Variants in DUSP16 observed in about 807,000 individuals in gnomAD.
The protein encoded by DUSP16 is dual specificity protein phosphatase 16.
In DUSP16, 21 loss-of-function variants were observed where a neutral mutation model predicts 58.3. The observed-to-expected ratio is 0.36, with a 90% confidence interval of 0.26 to 0.52. The LOEUF (loss-of-function observed/expected upper bound fraction) is 0.52, where lower values mean the gene tolerates loss of function less well. Among genes scored for constraint, DUSP16 ranks in the 20% least tolerant of loss-of-function variants. The pLI is 0.94. For missense variants in DUSP16, 726 were observed against 819.0 expected, an observed-to-expected ratio of 0.89 and a Z score of 1.39; for synonymous variants, 320 against 323.8, an observed-to-expected ratio of 0.99 and a Z score of 0.12.
chr12:12,555,126 C>G (rs192711456), intron 1 of DUSP16, among the ~76,000 whole-genome samples: 146 of 152,336 alleles, frequency 9.6e-4, no homozygotes, highest in African/African-American at 3.4e-3. Flanking sequence ...CACAGCTCAG[C>G]TGCTCGGGAA....
At chr12:12,551,691 CTTTT>C (rs35198357) in intron 1 of DUSP16, among the ~76,000 whole-genome samples, 6 of 140,134 alleles carry the variant, frequency 4.3e-5, no homozygotes, top group South Asian at 2.3e-4. Flanking sequence ...CTTAGTAAAC[CTTTT>C]TTTTTTTTTT....
At chr12:12,535,923 A>C (rs1944456211) in intron 1 of DUSP16, among the ~76,000 whole-genome samples, 1 of 152,246 alleles carries the variant, frequency 6.6e-6, no homozygotes, top group African/African-American at 2.4e-5. Context: ...AACAAGTAAC[A>C]AAATAAGTTG....
intron 5 of DUSP16, 97 bp from the exon 6 acceptor site, chr12:12,480,443 A>G: frequency 7.1e-7 from 1 of 1,413,932 alleles, no homozygotes; most frequent in Non-Finnish European, 9.6e-7. Context: ...CCACCTGAAA[A>G]CCTCTACGCA....
At chr12:12,532,929 C>T (rs1427252643) in intron 1 of DUSP16, among the ~76,000 whole-genome samples, 2 of 137,524 alleles carry the variant, frequency 1.5e-5, no homozygotes, top group Non-Finnish European at 3.0e-5. Context: ...GCCTGGGGGA[C>T]GAGAGCGAAA....
At chr12:12,491,793 C>A (rs1943763407) in intron 4 of DUSP16, among the ~76,000 whole-genome samples, 1 of 152,156 alleles carries the variant, frequency 6.6e-6, no homozygotes, top group African/African-American at 2.4e-5. Context: ...CCAATTACCA[C>A]AAACCCTCCA....
At chr12:12,484,892 G>A (rs1410055174) in intron 5 of DUSP16, among the ~76,000 whole-genome samples, 13 of 152,088 alleles carry the variant, frequency 8.5e-5, no homozygotes, top group Admixed American at 3.9e-4. Context: ...GATTACAGGC[G>A]TAAGCCACCA....
At chr12:12,550,029 C>G (rs1394193710) in intron 1 of DUSP16, among the ~76,000 whole-genome samples, 1 of 152,082 alleles carries the variant, frequency 6.6e-6, no homozygotes, top group African/African-American at 2.4e-5. Flanking sequence ...CAGTGGCACT[C>G]TGGGAGGCTG....
chr12:12,477,604 A>G lies in DUSP16; in HGVS notation c.1227T>C (p.Tyr409=). 6.2e-7 allele frequency: 1 copy of G among 1,614,234 alleles called. No homozygotes were observed. The highest frequency in any genetic ancestry group is 8.5e-7 in the Non-Finnish European group (1 of 1,180,038). Residue 409 remains tyrosine, a synonymous_variant, in exon 7 of 7, where the codon TAT becomes TAC. Coordinates refer to ENST00000298573, the MANE Select transcript of DUSP16 (RefSeq NM_030640.3). The surrounding 1 kb of genome is among the most constrained non-coding windows in gnomAD (Gnocchi z 4.1). Reference sequence around the variant, plus strand: ...GTAAGGATGCTGCCATGCTGGCTGAATATGAAACTGATTTGATATCCAGAG... The same window carrying G: ...GTAAGGATGCTGCCATGCTGGCTGAGTATGAAACTGATTTGATATCCAGAG... The part of the protein sequence containing the change: ...SFSLDIKSVS[Y]SASMAASLHG...
chr12:12,539,398 G>C (rs560173208), intron 1 of DUSP16, among the ~76,000 whole-genome samples: 153 of 152,304 alleles, frequency 1.0e-3, no homozygotes, highest in Non-Finnish European at 1.7e-3. Context: ...GGTTTAATAA[G>C]ACAGGGTTTA....
At chr12:12,554,910 C>T (rs192358417) in intron 1 of DUSP16, among the ~76,000 whole-genome samples, 8 of 152,134 alleles carry the variant, frequency 5.3e-5, no homozygotes, top group East Asian at 1.9e-4. Flanking sequence ...ACTAAAGCTA[C>T]GAAGGAAGAG....
In DUSP16 at chr12:12,477,950, T is replaced by A; in HGVS notation, c.881A>T (p.Tyr294Phe). The change falls in exon 7 of 7, where the codon TAT (tyrosine) becomes TTT (phenylalanine). Residue 294 changes from tyrosine (Y) to phenylalanine (F), a missense_variant. By Grantham distance (22) the Tyr-to-Phe change is conservative. Transcript: ENST00000298573. This position sits in a 1 kb window ranked among gnomAD's most constrained non-coding sequence, Gnocchi z 4.1. Reference sequence around the variant, plus strand: ...AGTCTGGTTCTTAATCTTCTTCTCATAGTCCAGGAGTTGGCCCAGAAAATT... The same window carrying A: ...AGTCTGGTTCTTAATCTTCTTCTCAAAGTCCAGGAGTTGGCCCAGAAAATT... ...NFNFLGQLLD[Y>F]EKKIKNQTGA... 2 of 1,614,190 alleles carry A rather than the reference T, an allele frequency of 1.2e-6. No homozygotes were observed. The highest frequency in any genetic ancestry group is 1.7e-6 in the Non-Finnish European group (2 of 1,180,008).
chr12:12,504,007 G>A (rs199693606), intron 3 of DUSP16, among the ~76,000 whole-genome samples: 161 of 152,268 alleles, frequency 1.1e-3, no homozygotes, highest in Admixed American at 1.9e-3. Flanking sequence ...GTATATAAGT[G>A]CCCACTGTTT....
rs1194058566 is a variant in DUSP16, at chr12:12,477,889, C to T, written c.942G>A (p.Leu314=). The change falls in exon 7 of 7, where the codon CTG becomes CTA. Residue 314 remains leucine (L), a synonymous_variant. Coordinates refer to ENST00000298573, the MANE Select transcript of DUSP16 (RefSeq NM_030640.3). This position sits in a 1 kb window ranked among gnomAD's most constrained non-coding sequence, Gnocchi z 4.1. ...ASGPKSKLKL[L]HLEKPNEPVP... ...CAGGTTCATTTGGCTTCTCCAGGTG[C>T]AGCAGCTTGAGTTTGCTCTTTGGCC... 6.2e-7 allele frequency: 1 copy of T among 1,614,064 alleles called. No homozygotes were observed. Among genetic ancestry groups the T allele is most frequent in the Non-Finnish European group, 8.5e-7 (1 of 1,180,046 alleles).
intron 4 of DUSP16, among the ~76,000 whole-genome samples, chr12:12,495,372 C>T (rs904037263): frequency 5.3e-5 from 8 of 152,108 alleles, no homozygotes; most frequent in African/African-American, 1.7e-4. Context: ...AAGACATACT[C>T]CCCCTAAGGA....
At position 12,476,742 on chromosome 12, in the gene DUSP16, G is replaced by A; in HGVS notation, c.*91C>T. The A allele has an allele frequency of 8.1e-7, 1 of 1,227,214 alleles. No individual in the cohort carries two copies. The highest frequency in any genetic ancestry group is 2.0e-4 in the Middle Eastern group (1 of 5,054). The allele number at this position is 1,227,214 out of a possible 1,614,324, so 76.0% of individuals were successfully genotyped here. ...AGCTCCATTTTCCAAAAATATATAT[G>A]TATGTACATATATATATTTCAGATT... On this transcript the variant is annotated 3_prime_UTR_variant, in exon 7 of 7. Transcript: ENST00000298573.
intron 1 of DUSP16, among the ~76,000 whole-genome samples, chr12:12,541,218 C>G (rs1488424669): frequency 1.3e-5 from 2 of 152,078 alleles, no homozygotes; most frequent in African/African-American, 4.8e-5. Context: ...CTCAGTCTCC[C>G]AAAGTCCTGG....
At chr12:12,479,570 G>GA (rs113326814) in intron 6 of DUSP16, among the ~76,000 whole-genome samples, 110 of 149,486 alleles carry the variant, frequency 7.4e-4, no homozygotes, top group African/African-American at 2.0e-3. Flanking sequence ...TGCAATTTGA[G>GA]AAAAAAAAAA....
At chr12:12,514,342 G>A (rs1944117824) in intron 3 of DUSP16, among the ~76,000 whole-genome samples, 1 of 152,208 alleles carries the variant, frequency 6.6e-6, no homozygotes, top group Admixed American at 6.5e-5. Context: ...GTGTGGGCAT[G>A]GCACTGAGTT....
At chr12:12,484,483 C>T (rs1171079432) in intron 5 of DUSP16, among the ~76,000 whole-genome samples, 1 of 152,114 alleles carries the variant, frequency 6.6e-6, no homozygotes, top group Non-Finnish European at 1.5e-5. Flanking sequence ...ACTTTGTCTC[C>T]TAAAGCCCAC....
Sources: allele counts gnomAD v4.1 joint callset (sites outside exome capture counted in the v4.1 genomes callset), GRCh38; gene constraint gnomAD v4.1.1; non-coding constraint Gnocchi (gnomAD v3.1); transcripts MANE v1.5; gene names NCBI Gene and HGNC (gene_info 2026-07-23, HGNC 2026-07-21).